RBMS3: variants seen among roughly 807,000 people sequenced by gnomAD.
RBMS3 encodes RNA binding motif single stranded interacting protein 3, also known as RNA-binding motif, single-stranded-interacting protein 3.
In RBMS3, 27 loss-of-function variants were observed where a neutral mutation model predicts 66.8. That is an observed-to-expected ratio of 0.40 (90% confidence interval 0.30 to 0.56). RBMS3 has a LOEUF of 0.56. Ranked by LOEUF, RBMS3 falls within the 20% of genes least tolerant of loss-of-function variation. RBMS3 has a pLI of 0.40. For synonymous variants in RBMS3, 188 were observed against 183.0 expected (o/e 1.03, Z -0.22); for missense variants, 513 against 549.5 (o/e 0.93, Z 0.66).
intron 4 of RBMS3, among the ~76,000 whole-genome samples, chr3:29,599,767 T>C (rs1242776822): frequency 2.6e-5 from 4 of 152,090 alleles, no homozygotes; most frequent in African/African-American, 9.7e-5. Context: ...CAGAAAAGGA[T>C]AGAATAATGA....
At chr3:29,949,680 T>C (rs1178709536) in intron 12 of RBMS3, among the ~76,000 whole-genome samples, 2 of 151,754 alleles carry the variant, frequency 1.3e-5, no homozygotes, top group African/African-American at 2.4e-5. Context: ...TATTAGTGTT[T>C]TAGTGTGTAC....
intron 1 of RBMS3, among the ~76,000 whole-genome samples, chr3:29,371,346 A>T (rs1229293325): frequency 6.6e-6 from 1 of 152,230 alleles, no homozygotes; most frequent in Non-Finnish European, 1.5e-5. Flanking sequence ...TTTGCCAGTG[A>T]GCCTGGGAAA....
intron 1 of RBMS3, among the ~76,000 whole-genome samples, chr3:29,332,160 G>T (rs942884367): frequency 4.6e-5 from 7 of 152,024 alleles, no homozygotes; most frequent in Non-Finnish European, 8.8e-5. Context: ...ATTCAGCCCA[G>T]CTCTGAAAAC....
chr3:30,006,391 T>G lies in RBMS3; in HGVS notation c.*2529T>G, dbSNP rs749328370. 5 of 151,880 alleles carry G rather than the reference T, an allele frequency of 3.3e-5. No homozygotes were observed. Among genetic ancestry groups the G allele is most frequent in the African/African-American group, 1.2e-4 (5 of 41,406 alleles). The allele number at this position is 151,880 out of a possible 1,614,324, so 9.4% of individuals were successfully genotyped here. A position where few individuals can be genotyped will look rare whatever the true frequency, so the allele number is the denominator to read the frequency against. Reference sequence around the variant, plus strand: ...ATGACTCCATATATTTATGGTCACATTGGAGACAAAAGTGTATCCAAGAAA... The same window carrying G: ...ATGACTCCATATATTTATGGTCACAGTGGAGACAAAAGTGTATCCAAGAAA... On this transcript the variant is annotated 3_prime_UTR_variant, in exon 15 of 15. Coordinates refer to ENST00000383767, the MANE Select transcript of RBMS3 (RefSeq NM_001003793.3).
At chr3:30,001,796 ATTT>A (rs1559881134) in intron 14 of RBMS3, among the ~76,000 whole-genome samples, 2 of 150,724 alleles carry the variant, frequency 1.3e-5, no homozygotes, top group Admixed American at 6.6e-5. Flanking sequence ...TTATTTTATT[ATTT>A]ATTTTATTTA....
intron 2 of RBMS3, among the ~76,000 whole-genome samples, chr3:29,450,936 C>CA (rs1559371698): frequency 3.6e-4 from 50 of 139,858 alleles, no homozygotes; most frequent in Non-Finnish European, 5.7e-4. Flanking sequence ...CACACACCCC[C>CA]CACACACACA....
chr3:29,471,429 C>T (rs74405069), intron 2 of RBMS3, among the ~76,000 whole-genome samples: 1 of 152,076 alleles, frequency 6.6e-6, no homozygotes, highest in Non-Finnish European at 1.5e-5. Context: ...AATATATCAA[C>T]TTTTACTTTG....
chr3:29,353,759 G>T (rs1419059124), intron 1 of RBMS3, among the ~76,000 whole-genome samples: 2 of 151,842 alleles, frequency 1.3e-5, no homozygotes, highest in Non-Finnish European at 2.9e-5. Context: ...TCTACCAAGG[G>T]GCATATGGAC....
At chr3:29,437,852 C>T (rs1271244306) in intron 2 of RBMS3, among the ~76,000 whole-genome samples, 1 of 152,032 alleles carries the variant, frequency 6.6e-6, no homozygotes, top group African/African-American at 2.4e-5. Flanking sequence ...GATTGAAGAC[C>T]TCATTATTTA....
chr3:29,943,541 T>C (rs146065934), intron 11 of RBMS3, among the ~76,000 whole-genome samples: 1 of 151,918 alleles, frequency 6.6e-6, no homozygotes, highest in African/African-American at 2.4e-5. Flanking sequence ...TTATCTAGAA[T>C]TTGACACCTT....
At chr3:29,767,570 G>C (rs992766441) in intron 6 of RBMS3, 1 of 151,824 alleles carries the variant, frequency 6.6e-6, no homozygotes, top group African/African-American at 2.4e-5. Flanking sequence ...TAAAGCATGG[G>C]GCTTTTTGAT....
At chr3:29,598,590 A>G (rs2048041439) in intron 4 of RBMS3, among the ~76,000 whole-genome samples, 1 of 152,032 alleles carries the variant, frequency 6.6e-6, no homozygotes, top group Non-Finnish European at 1.5e-5. Flanking sequence ...AAACACACAA[A>G]CAAATACATA....
intron 4 of RBMS3, among the ~76,000 whole-genome samples, chr3:29,732,119 A>C (rs1576641957): frequency 6.6e-6 from 1 of 151,840 alleles, no homozygotes; most frequent in East Asian, 1.9e-4. Context: ...TTGACTCATG[A>C]GATTATGGAG....
chr3:29,531,024 T>C (rs78404241), intron 3 of RBMS3, among the ~76,000 whole-genome samples: 3,381 of 152,340 alleles, frequency 0.022, 96 homozygotes, highest in Admixed American at 0.09. Context: ...GGGATACTTA[T>C]GTCTTTGCAG....
intron 1 of RBMS3, among the ~76,000 whole-genome samples, chr3:29,313,984 G>T (rs757101186): frequency 6.6e-6 from 1 of 151,660 alleles, no homozygotes; most frequent in Non-Finnish European, 1.5e-5. Flanking sequence ...TGCTGTTATT[G>T]CTTATCATCT....
intron 7 of RBMS3, among the ~76,000 whole-genome samples, chr3:29,869,983 C>G (rs1257641752): frequency 6.6e-6 from 1 of 152,048 alleles, no homozygotes; most frequent in African/African-American, 2.4e-5. Flanking sequence ...GTTTCTAAGA[C>G]CATTGTTTGC....
intron 3 of RBMS3, among the ~76,000 whole-genome samples, chr3:29,539,905 G>C (rs953671585): frequency 2.6e-5 from 4 of 152,204 alleles, no homozygotes; most frequent in African/African-American, 9.7e-5. Flanking sequence ...TGAAGAATTT[G>C]AGAGAAGGAA....
intron 1 of RBMS3, among the ~76,000 whole-genome samples, chr3:29,305,837 C>T (rs751519849): frequency 1.3e-5 from 2 of 151,904 alleles, no homozygotes; most frequent in Admixed American, 6.6e-5. Context: ...GAGGAAATTG[C>T]TTAGGGAAAG....
intron 6 of RBMS3, among the ~76,000 whole-genome samples, chr3:29,865,508 G>A (rs528829931): frequency 6.6e-6 from 1 of 152,268 alleles, no homozygotes; most frequent in South Asian, 2.1e-4. Context: ...ACAGCCGTAA[G>A]GCAGAATAAA....
Sources: allele counts gnomAD v4.1 joint callset (sites outside exome capture counted in the v4.1 genomes callset), GRCh38; gene constraint gnomAD v4.1.1; transcripts MANE v1.5; gene names NCBI Gene and HGNC (gene_info 2026-07-23, HGNC 2026-07-21).